The following RBMS3 variants were observed in gnomAD, a reference collection of about 807,000 sequenced individuals.
RBMS3 encodes RNA binding motif single stranded interacting protein 3.
RBMS3 carries 27 observed loss-of-function variants against 66.8 expected under a neutral mutation model. The observed-to-expected ratio is 0.40, with a 90% CI of 0.30 to 0.56. The LOEUF (loss-of-function observed/expected upper bound fraction) is 0.56. RBMS3 is among the 20% of genes least tolerant of loss of function. RBMS3 has a pLI of 0.40. For synonymous variants in RBMS3, 188 were observed against 183.0 expected (o/e 1.03, Z -0.22); for missense variants, 513 against 549.5 (o/e 0.93, Z 0.66).
chr3:29,477,744 T>C (rs1486601465), intron 2 of RBMS3, among the ~76,000 whole-genome samples: 1 of 152,028 alleles, frequency 6.6e-6, no homozygotes, highest in African/African-American at 2.4e-5. Flanking sequence ...AGGTTAGTGA[T>C]ATAGATAATG....
chr3:29,586,205 T>C (rs549090539), intron 3 of RBMS3, among the ~76,000 whole-genome samples: 2 of 152,256 alleles, frequency 1.3e-5, no homozygotes, highest in East Asian at 3.9e-4. Context: ...ATACTCACTC[T>C]TGAGCATTTA....
At chr3:29,791,295 A>G (rs2057004632) in intron 6 of RBMS3, among the ~76,000 whole-genome samples, 1 of 152,038 alleles carries the variant, frequency 6.6e-6, no homozygotes, top group Non-Finnish European at 1.5e-5. Context: ...CCTATTTTTT[A>G]TGTGTTGCTG....
intron 10 of RBMS3, among the ~76,000 whole-genome samples, chr3:29,913,681 A>G (rs899131243): frequency 2.0e-5 from 3 of 152,002 alleles, no homozygotes; most frequent in African/African-American, 7.2e-5. Flanking sequence ...TATTGAGAAG[A>G]GAAACCTTTT....
intron 1 of RBMS3, among the ~76,000 whole-genome samples, chr3:29,291,978 A>G (rs2032853137): frequency 6.6e-6 from 1 of 151,760 alleles, no homozygotes; most frequent in Non-Finnish European, 1.5e-5. Context: ...ATCTTCTCCA[A>G]TCTTATTCAG....
intron 4 of RBMS3, among the ~76,000 whole-genome samples, chr3:29,692,351 T>C (rs2052064186): frequency 1.3e-5 from 2 of 152,104 alleles, no homozygotes; most frequent in African/African-American, 4.8e-5. Flanking sequence ...TTAACCAAGC[T>C]TGCTAAGACT....
At chr3:29,766,713 T>C (rs1459734720) in intron 6 of RBMS3, 1 of 151,982 alleles carries the variant, frequency 6.6e-6, no homozygotes, top group Non-Finnish European at 1.5e-5. Flanking sequence ...TCCCCAGATT[T>C]TGGTTCCCTG....
intron 2 of RBMS3, among the ~76,000 whole-genome samples, chr3:29,441,282 G>A (rs2041611234): frequency 6.6e-6 from 1 of 151,948 alleles, no homozygotes; most frequent in African/African-American, 2.4e-5. Context: ...TTCAGATTTG[G>A]GCAAAATTAT....
intron 8 of RBMS3, among the ~76,000 whole-genome samples, chr3:29,895,328 CTA>C (rs1420743355): frequency 2.6e-5 from 4 of 151,418 alleles, no homozygotes; most frequent in Non-Finnish European, 5.9e-5. Flanking sequence ...GTGTACAGTT[CTA>C]TGATTCTGAC....
At chr3:29,986,338 A>G (rs1698388266) in intron 12 of RBMS3, among the ~76,000 whole-genome samples, 1 of 152,214 alleles carries the variant, frequency 6.6e-6, no homozygotes, top group Non-Finnish European at 1.5e-5. Flanking sequence ...AAACTAATTA[A>G]TGATACCAAA....
chr3:29,849,555 G>C (rs1442654791), intron 6 of RBMS3, among the ~76,000 whole-genome samples: 1 of 150,690 alleles, frequency 6.6e-6, no homozygotes, highest in Non-Finnish European at 1.5e-5. Flanking sequence ...GCCAACTAAA[G>C]GTTTGTTTTT....
intron 3 of RBMS3, among the ~76,000 whole-genome samples, chr3:29,495,417 C>CTTTTTTTTTTT (rs775377508): frequency 7.2e-5 from 8 of 111,872 alleles, no homozygotes; most frequent in East Asian, 2.5e-4. Flanking sequence ...ATATTTCTTT[C>CTTTTTTTTTTT]TTTTTTTTTT....
chr3:29,936,300 G>A (rs1032364911), intron 11 of RBMS3, 104 bp downstream of exon 11: 113 of 1,055,442 alleles, frequency 1.1e-4, no homozygotes, highest in Non-Finnish European at 1.2e-4. Flanking sequence ...TACCATATTC[G>A]TTGACTAACA....
intron 3 of RBMS3, among the ~76,000 whole-genome samples, chr3:29,491,234 T>A (rs2043531251): frequency 6.6e-6 from 1 of 152,176 alleles, no homozygotes; most frequent in African/African-American, 2.4e-5. Flanking sequence ...TATCCTTACA[T>A]CAGCTCCTAA....
intron 6 of RBMS3, among the ~76,000 whole-genome samples, chr3:29,784,500 C>A (rs1293515296): frequency 6.6e-6 from 1 of 151,960 alleles, no homozygotes; most frequent in Non-Finnish European, 1.5e-5. Flanking sequence ...ATAATAGTAA[C>A]ACAACCTATC....
At chr3:29,586,880 C>T (rs1303356256) in intron 3 of RBMS3, among the ~76,000 whole-genome samples, 1 of 152,082 alleles carries the variant, frequency 6.6e-6, no homozygotes, top group Non-Finnish European at 1.5e-5. Flanking sequence ...TGATTCTACA[C>T]CCAATCTCCA....
At chr3:29,480,912 AAGG>A (rs1425157386) in intron 2 of RBMS3, among the ~76,000 whole-genome samples, 2 of 151,994 alleles carry the variant, frequency 1.3e-5, no homozygotes, top group African/African-American at 4.8e-5. Flanking sequence ...TTGGGGAGAA[AAGG>A]AGAAGCAGGT....
At chr3:29,831,327 T>C (rs777553801) in intron 6 of RBMS3, among the ~76,000 whole-genome samples, 4 of 152,196 alleles carry the variant, frequency 2.6e-5, no homozygotes, top group Non-Finnish European at 5.9e-5. Flanking sequence ...GCTTTTCTTT[T>C]TAAAGTTACC....
chr3:29,501,209 T>A (rs1394319957), intron 3 of RBMS3, among the ~76,000 whole-genome samples: 6 of 152,180 alleles, frequency 3.9e-5, no homozygotes, highest in Non-Finnish European at 8.8e-5. Flanking sequence ...AAAATCTCCA[T>A]GAAAGTTTAA....
chr3:29,583,101 T>C (rs1462269850), intron 3 of RBMS3, among the ~76,000 whole-genome samples: 1 of 152,172 alleles, frequency 6.6e-6, no homozygotes, highest in Non-Finnish European at 1.5e-5. Flanking sequence ...GCTGGCAGAA[T>C]GACTCTTTAT....
Sources: gnomAD v4.1 joint callset for allele counts (sites outside exome capture counted in the v4.1 genomes callset) on GRCh38, gnomAD v4.1.1 for gene constraint, MANE v1.5 for transcripts, NCBI Gene and HGNC (gene_info 2026-07-23, HGNC 2026-07-21) for gene names.